RAB7A: variants seen among roughly 807,000 people sequenced by gnomAD.
RAB7A encodes RAB7A, member RAS oncogene family.
In RAB7A, 2 loss-of-function variants were observed where a neutral mutation model predicts 24.5. That is an observed-to-expected ratio of 0.08 (90% CI 0.03 to 0.26). RAB7A has a LOEUF of 0.26. Ranked by LOEUF, RAB7A falls within the 10% of genes least tolerant of loss-of-function variation. The pLI is 1.00. For synonymous variants in RAB7A, 100 were observed against 95.9 expected (o/e 1.04, Z -0.25); for missense variants, 118 against 255.7 (o/e 0.46, Z 3.67).
At position 128,761,469 on chromosome 3, in the gene RAB7A, A is replaced by T. The variant is rs147257159; in HGVS notation, c.-8-33891A>T. 9.9e-5 allele frequency among the ~76,000 whole-genome samples: 15 copies of T among 152,278 alleles called. 1 individual carries two copies. The highest frequency in any genetic ancestry group is 3.3e-4 in the Admixed American group (5 of 15,298). ...GCTTATCCAGGGTCTCCTTAAACCA[A>T]GCTTGAGGTAGGGAGACTATCTTGG... On this transcript the variant is annotated intron_variant, in intron 1 of 5. Coordinates refer to ENST00000265062, the MANE Select transcript of RAB7A (RefSeq NM_004637.6).
chr3:128,801,515 C>T (rs1032291280), intron 3 of RAB7A, among the ~76,000 whole-genome samples: 7 of 152,198 alleles, frequency 4.6e-5, no homozygotes, highest in Admixed American at 2.0e-4. Flanking sequence ...ATAAGATAAT[C>T]GTTTATCTGC....
At chr3:128,803,824 A>G (rs188298984) in intron 3 of RAB7A, among the ~76,000 whole-genome samples, 2 of 152,360 alleles carry the variant, frequency 1.3e-5, no homozygotes, top group East Asian at 3.9e-4. Flanking sequence ...AGAAAATGCA[A>G]TGAGGGAAGG....
intron 1 of RAB7A, among the ~76,000 whole-genome samples, chr3:128,770,174 T>C (rs149903525): frequency 0.041 from 6,292 of 152,200 alleles, 176 homozygotes; most frequent in Non-Finnish European, 0.058. Context: ...AGCTAATTTT[T>C]GTATTTTTAG....
chr3:128,744,487 G>A lies in RAB7A; in HGVS notation c.-9+18128G>A, dbSNP rs557746995. Among the ~76,000 whole-genome samples the A allele has an allele frequency of 4.6e-5, 7 of 152,110 alleles. No homozygotes were observed. The South Asian group carries it at 1.0e-3, about 23-fold the overall frequency. The stretch of plus-strand genomic sequence containing the variant: ...ATTTGAAATATGATGCATTATTATC[G>A]ACTACATTCCACTGTAATAAAAAGA... On this transcript the variant is annotated intron_variant, in intron 1 of 5. Coordinates refer to ENST00000265062, the MANE Select transcript of RAB7A (RefSeq NM_004637.6).
chr3:128,813,405 G>C lies in RAB7A; in HGVS notation c.607G>C (p.Glu203Gln), dbSNP rs1933969350. Residue 203 changes from glutamate to glutamine, a missense_variant, in exon 6 of 6, where the codon GAA becomes CAA. Glu to Gln is a conservative substitution (Grantham distance 29). Transcript: ENST00000265062. ...DKNDRAKASA[E>Q]SCSC is the part of the protein sequence containing the mutation. ...GAATGACCGGGCCAAGGCCTCGGCA[G>C]AAAGCTGCAGTTGCTGAGGGGGCAG... 1 of 1,614,166 alleles carries C rather than the reference G, an allele frequency of 6.2e-7. No homozygotes were observed. Among genetic ancestry groups the C allele is most frequent in the Non-Finnish European group, 8.5e-7 (1 of 1,180,020 alleles).
chr3:128,773,890 C>G (rs1010611788), intron 1 of RAB7A, among the ~76,000 whole-genome samples: 3 of 151,842 alleles, frequency 2.0e-5, no homozygotes, highest in East Asian at 3.9e-4. Flanking sequence ...CAGCATGCTC[C>G]TTAAGAGTCA....
chr3:128,795,219 G>C, intron 1 of RAB7A, 141 bp from the exon 2 acceptor site: 1 of 748,432 alleles, frequency 1.3e-6, no homozygotes, highest in Middle Eastern at 2.3e-4. Flanking sequence ...TTTTATCAGT[G>C]CCCCCTGGTG....
chr3:128,799,203 C>G (rs1470983172), intron 3 of RAB7A: 1 of 152,056 alleles, frequency 6.6e-6, no homozygotes, highest in Non-Finnish European at 1.5e-5. Context: ...GACGTTCATG[C>G]ATTACGGAGG....
At chr3:128,793,377 A>T (rs187499177) in intron 1 of RAB7A, among the ~76,000 whole-genome samples, 4 of 150,058 alleles carry the variant, frequency 2.7e-5, no homozygotes, top group Non-Finnish European at 5.9e-5. Flanking sequence ...CTGGTCTTGA[A>T]CTCCTGACCT....
intron 1 of RAB7A, among the ~76,000 whole-genome samples, chr3:128,750,803 A>C (rs962732269): frequency 3.9e-5 from 6 of 152,242 alleles, no homozygotes; most frequent in African/African-American, 9.6e-5. Context: ...AGAGGTCCTC[A>C]TGGCAGCCCT....
At chr3:128,761,964 C>T (rs1379554559) in intron 1 of RAB7A, among the ~76,000 whole-genome samples, 2 of 152,178 alleles carry the variant, frequency 1.3e-5, no homozygotes, top group African/African-American at 4.8e-5. Flanking sequence ...CATTTCCTCT[C>T]CCTGGACTTG....
intron 1 of RAB7A, among the ~76,000 whole-genome samples, chr3:128,775,358 C>T (rs928461824): frequency 6.6e-6 from 1 of 152,180 alleles, no homozygotes; most frequent in Non-Finnish European, 1.5e-5. Flanking sequence ...TAGTCTCCAC[C>T]CTTCCTCCAC....
intron 1 of RAB7A, among the ~76,000 whole-genome samples, chr3:128,776,801 A>C (rs761416972): frequency 1.2e-4 from 18 of 152,146 alleles, no homozygotes; most frequent in Non-Finnish European, 2.2e-4. Context: ...GTACTGATTT[A>C]CATTCCCACC....
intron 1 of RAB7A, among the ~76,000 whole-genome samples, chr3:128,794,157 G>T (rs1315171490): frequency 1.3e-5 from 2 of 152,154 alleles, no homozygotes; most frequent in African/African-American, 2.4e-5. Flanking sequence ...GGATTACCTT[G>T]CCTAGGAGCT....
At chr3:128,810,865 C>G (rs1011047125) in intron 5 of RAB7A, among the ~76,000 whole-genome samples, 1 of 152,066 alleles carries the variant, frequency 6.6e-6, no homozygotes, top group African/African-American at 2.4e-5. Context: ...ACCAGCCTGG[C>G]CAACATTGTG....
At chr3:128,793,632 C>G (rs144057276) in intron 1 of RAB7A, among the ~76,000 whole-genome samples, 58 of 152,278 alleles carry the variant, frequency 3.8e-4, no homozygotes, top group African/African-American at 1.3e-3. Flanking sequence ...GACATTTAAA[C>G]TTTGACCAGT....
intron 1 of RAB7A, among the ~76,000 whole-genome samples, chr3:128,763,890 A>G (rs894401113): frequency 9.3e-6 from 1 of 107,474 alleles, no homozygotes; most frequent in Non-Finnish European, 1.8e-5. Context: ...CTGCTTTTCA[A>G]CTAATATAGT....
intron 1 of RAB7A, among the ~76,000 whole-genome samples, chr3:128,730,464 G>A (rs1426830589): frequency 1.3e-5 from 2 of 152,080 alleles, no homozygotes; most frequent in African/African-American, 2.4e-5. Flanking sequence ...TCCTGACCTC[G>A]TGATCCACCC....
chr3:128,765,056 G>GTC, intron 1 of RAB7A: 1 of 1,175,690 alleles, frequency 8.5e-7, no homozygotes, highest in South Asian at 1.3e-5. Context: ...TGGCTGCGCG[G>GTC]CGCTGGAGCG....
Sources: allele counts gnomAD v4.1 joint callset (sites outside exome capture counted in the v4.1 genomes callset), GRCh38; gene constraint gnomAD v4.1.1; transcripts MANE v1.5; gene names NCBI Gene and HGNC (gene_info 2026-07-23, HGNC 2026-07-21).